TAF8: variants seen among roughly 807,000 people sequenced by gnomAD.
TAF8 encodes TATA-box binding protein associated factor 8.
A neutral mutation model predicts 36.5 loss-of-function variants in TAF8; 47 were observed. The observed-to-expected ratio is 1.29, with a 90% CI of 1.02 to 1.64. TAF8 has a LOEUF of 1.64. Ranked by LOEUF, TAF8 falls within the 40% of genes most tolerant of loss-of-function variation. The pLI, the probability that TAF8 is intolerant of heterozygous loss-of-function variation, is 0.00. For synonymous variants in TAF8, 175 were observed against 159.5 expected (o/e 1.10, Z -0.73); for missense variants, 420 against 407.6 (o/e 1.03, Z -0.26).
At chr6:42,066,489 T>A in intron 6 of TAF8, 30 bp downstream of exon 6, 1 of 1,612,028 alleles carries the variant, frequency 6.2e-7, no homozygotes, top group Non-Finnish European at 8.5e-7. Context: ...GTGGACCCTG[T>A]CTTATTTGAA....
At position 42,077,180 on chromosome 6, in the gene TAF8, G is replaced by A; in HGVS notation, c.861G>A (p.Glu287=). ...TGTCGGGTAGCCGGAATGGGGAGGA[G>A]AACATCATCGATAACCCTTATCTGC... The part of the protein sequence containing the change: ...PSLSGSRNGE[E]NIIDNPYLRP... Residue 287 remains glutamate, a synonymous_variant, in exon 8 of 9, where the codon GAG becomes GAA. Coordinates refer to ENST00000372977, the MANE Select transcript of TAF8 (RefSeq NM_138572.3). 1 of 1,614,156 alleles carries A rather than the reference G, an allele frequency of 6.2e-7. No homozygotes were observed. The highest frequency in any genetic ancestry group is 8.5e-7 in the Non-Finnish European group (1 of 1,180,004).
Position 42,068,472 on chromosome 6 carries a change from T to C in TAF8, c.645T>C (p.Ala215=). The change falls in exon 7 of 9, where the codon GCT becomes GCC. Residue 215 remains alanine, a synonymous_variant. Transcript: ENST00000372977. ...TCTCTTCCAATTCGCCAGTGATTGC[T>C]GCCAGACCTTTCACCATCCCCTACC... The part of the protein sequence containing the change: ...KDDVSTFPLI[A]ARPFTIPYLT... 1 of 1,614,094 alleles carries C rather than the reference T, an allele frequency of 6.2e-7. No individual in the cohort carries two copies. The highest frequency in any genetic ancestry group is 8.5e-7 in the Non-Finnish European group (1 of 1,180,038).
intron 4 of TAF8, among the ~76,000 whole-genome samples, chr6:42,056,658 A>C (rs1764998346): frequency 1.3e-5 from 2 of 152,238 alleles, no homozygotes; most frequent in Admixed American, 1.3e-4. Flanking sequence ...GCTGGAGTGC[A>C]GTGGCACAAT....
At chr6:42,086,118 C>T (rs192247027), downstream of TAF8, among the ~76,000 whole-genome samples, 5 of 152,350 alleles carry the variant, frequency 3.3e-5, no homozygotes, top group East Asian at 9.7e-4. Flanking sequence ...AAATACATTT[C>T]TGTTGTTCAT....
At chr6:42,067,326 C>G (rs185605399) in intron 6 of TAF8, among the ~76,000 whole-genome samples, 66 of 152,334 alleles carry the variant, frequency 4.3e-4, no homozygotes, top group Admixed American at 3.4e-3. Flanking sequence ...TCCAGCGATT[C>G]TTCTGCTTCA....
intron 1 of TAF8, chr6:42,050,953 T>C: frequency 9.0e-7 from 1 of 1,112,986 alleles, no homozygotes; most frequent in Non-Finnish European, 1.1e-6. Context: ...CTCCTCGCGG[T>C]CACCTCTTGT....
chr6:42,069,121 G>A (rs138906416), intron 7 of TAF8, among the ~76,000 whole-genome samples: 44 of 152,272 alleles, frequency 2.9e-4, no homozygotes, highest in Non-Finnish European at 5.6e-4. Context: ...GGTGGCCAGA[G>A]TGGAGTGAAC....
chr6:42,069,017 G>T (rs1352358507), intron 7 of TAF8, among the ~76,000 whole-genome samples: 2 of 152,092 alleles, frequency 1.3e-5, no homozygotes, highest in African/African-American at 4.8e-5. Flanking sequence ...GGACATGTCT[G>T]GGGGTGGAGC....
chr6:42,086,642 G>T (rs2492938), downstream of TAF8: 430,904 of 1,437,392 alleles, frequency 0.3, 68,618 homozygotes, highest in African/African-American at 0.6. Context: ...GCCAGAAGCT[G>T]CCCCCTCTTC....
At chr6:42,050,719 G>A in intron 1 of TAF8, 133 bp downstream of exon 1, 1 of 1,170,362 alleles carries the variant, frequency 8.5e-7, no homozygotes, top group Non-Finnish European at 1.2e-6. Flanking sequence ...GGTGTTTTCA[G>A]GCCGTAGGCG....
chr6:42,075,738 G>A (rs1765723670), intron 7 of TAF8, among the ~76,000 whole-genome samples: 1 of 152,178 alleles, frequency 6.6e-6, no homozygotes, highest in African/African-American at 2.4e-5. Flanking sequence ...AATAAAGGAG[G>A]CTGTGAATAA....
chr6:42,072,784 G>A (rs567092323), intron 7 of TAF8, among the ~76,000 whole-genome samples: 25 of 151,796 alleles, frequency 1.6e-4, no homozygotes, highest in Admixed American at 1.0e-3. Flanking sequence ...GTGCAGTGGC[G>A]TGATCTCGGC....
At chr6:42,066,276 G>A (rs372968705) in intron 5 of TAF8, 36 bp from the exon 6 acceptor site, 11 of 1,609,046 alleles carry the variant, frequency 6.8e-6, no homozygotes, top group African/African-American at 2.7e-5. Flanking sequence ...ATGATACTTC[G>A]GCATCACCCC....
In TAF8 at chr6:42,082,163, C is replaced by T. The variant is rs1217820814; in HGVS notation, c.*4618C>T. 1.3e-5 allele frequency: 2 copies of T among 152,014 alleles called. No individual in the cohort carries two copies. The highest frequency in any genetic ancestry group is 2.9e-5 in the Non-Finnish European group (2 of 67,996). 9.4% of individuals were successfully genotyped at this position (152,014 alleles called of 1,614,324 possible). A position where few individuals can be genotyped will look rare whatever the true frequency, so the allele number is the denominator to read the frequency against. On this transcript the variant is annotated 3_prime_UTR_variant, in exon 9 of 9. Transcript: ENST00000372977. ...TCGTGTAGATTTGTGTAACCACCAG[C>T]ACACAAATGGTGAAGACACAGAACC...
In TAF8 at chr6:42,055,608, G is replaced by T; in HGVS notation, c.280G>T (p.Val94Leu). 5.6e-6 allele frequency: 9 copies of T among 1,614,122 alleles called. No individual in the cohort carries two copies. Among genetic ancestry groups the T allele is most frequent in the Non-Finnish European group, 7.6e-6 (9 of 1,179,976 alleles). Reference protein sequence around the residue: ...ARTQPTLSDIVVTLVEMGFNV... With the variant: ...ARTQPTLSDILVTLVEMGFNV... ...GACCCAGCCCACACTGTCCGATATCGTGGTCACACTTGTTGAGATGGGTGA... is the reference window on the plus strand; with the variant it reads ...GACCCAGCCCACACTGTCCGATATCTTGGTCACACTTGTTGAGATGGGTGA... The change falls in exon 3 of 9, where the codon GTG (valine) becomes TTG (leucine). Residue 94 changes from valine to leucine, a missense_variant. Physicochemically the swap from Val to Leu is conservative, Grantham distance 32 (BLOSUM62 1). Coordinates refer to ENST00000372977, the MANE Select transcript of TAF8 (RefSeq NM_138572.3).
At chr6:42,066,268 G>T (rs1765355602) in intron 5 of TAF8, 44 bp from the exon 6 acceptor site, 7 of 1,607,026 alleles carry the variant, frequency 4.4e-6, no homozygotes, top group Admixed American at 1.7e-5. Context: ...AAAGCAGAAT[G>T]ATACTTCGGC....
In TAF8 at chr6:42,078,268, A is replaced by C; in HGVS notation, c.*723A>C. 2 of 985,500 alleles carry C rather than the reference A, an allele frequency of 2.0e-6. No individual in the cohort carries two copies. Among genetic ancestry groups the C allele is most frequent in the Non-Finnish European group, 2.4e-6 (2 of 829,966 alleles). The allele number at this position is 985,500 out of a possible 1,614,324, so 61.0% of individuals were successfully genotyped here. A position where few individuals can be genotyped will look rare whatever the true frequency, so the allele number is the denominator to read the frequency against. On this transcript the variant is annotated 3_prime_UTR_variant, in exon 9 of 9. Transcript: ENST00000372977. The stretch of plus-strand genomic sequence containing the variant: ...ACTTCGTTCATTATCACAGGATTTG[A>C]TTCCTTTGAAACTCAAGAGACCAGG...
intron 7 of TAF8, among the ~76,000 whole-genome samples, chr6:42,069,724 C>T (rs1045002595): frequency 6.6e-6 from 1 of 152,020 alleles, no homozygotes; most frequent in Admixed American, 6.6e-5. Flanking sequence ...GCAGGAGATG[C>T]GTATTTGGGA....
chr6:42,076,649 C>T (rs896533065), intron 7 of TAF8, among the ~76,000 whole-genome samples: 6 of 152,184 alleles, frequency 3.9e-5, no homozygotes, highest in African/African-American at 1.4e-4. Context: ...GAAATCTGTT[C>T]TGACTTAGTC....
Sources: allele counts gnomAD v4.1 joint callset (sites outside exome capture counted in the v4.1 genomes callset), GRCh38; gene constraint gnomAD v4.1.1; transcripts MANE v1.5; gene names NCBI Gene and HGNC (gene_info 2026-07-23, HGNC 2026-07-21).